Variants in ERBB4 observed in about 807,000 individuals in gnomAD.
The protein encoded by ERBB4 is receptor tyrosine-protein kinase erbB-4.
A neutral mutation model predicts 158.0 loss-of-function variants in ERBB4; 42 were observed. The observed-to-expected ratio is 0.27, with a 90% CI of 0.21 to 0.34. The LOEUF is 0.34. Among genes scored for constraint, ERBB4 ranks in the 10% least tolerant of loss-of-function variants. The pLI is 1.00. For missense variants in ERBB4, 1,333 were observed against 1,624.1 expected (o/e 0.82, Z 3.08); for synonymous variants, 583 against 558.7 (o/e 1.04, Z -0.61).
chr2:212,520,229 T>C (rs1947932), intron 1 of ERBB4, among the ~76,000 whole-genome samples: 32,578 of 151,760 alleles, frequency 0.21, 3,971 homozygotes, highest in African/African-American at 0.34. Flanking sequence ...AAATCAGTTG[T>C]ATTGATTTTA....
At chr2:211,496,160 T>C (rs1185114048) in intron 20 of ERBB4, among the ~76,000 whole-genome samples, 1 of 152,090 alleles carries the variant, frequency 6.6e-6, no homozygotes, top group African/African-American at 2.4e-5. Flanking sequence ...TCATCCTAAT[T>C]TGGACTTCCT....
intron 1 of ERBB4, among the ~76,000 whole-genome samples, chr2:212,424,576 T>C (rs1241601652): frequency 6.6e-6 from 1 of 152,156 alleles, no homozygotes; most frequent in Non-Finnish European, 1.5e-5. Flanking sequence ...TAGTACATAG[T>C]ATATATACTA....
intron 13 of ERBB4, among the ~76,000 whole-genome samples, chr2:211,677,729 C>T (rs1231674905): frequency 6.6e-6 from 1 of 151,860 alleles, no homozygotes; most frequent in Non-Finnish European, 1.5e-5. Flanking sequence ...AAAAAATTAG[C>T]CGGGCGTGGT....
chr2:211,691,620 G>A (rs1194754042), intron 12 of ERBB4, among the ~76,000 whole-genome samples: 1 of 138,480 alleles, frequency 7.2e-6, no homozygotes, highest in African/African-American at 2.8e-5. Flanking sequence ...ATAACAGATT[G>A]CTGAGAGAAC....
intron 20 of ERBB4, among the ~76,000 whole-genome samples, chr2:211,513,980 C>T (rs966145361): frequency 6.6e-6 from 1 of 152,056 alleles, no homozygotes; most frequent in African/African-American, 2.4e-5. Flanking sequence ...GTGTTGGGAA[C>T]CTTCTAAAGC....
At chr2:212,450,229 G>A (rs2092425422) in intron 1 of ERBB4, among the ~76,000 whole-genome samples, 1 of 152,106 alleles carries the variant, frequency 6.6e-6, no homozygotes, top group Admixed American at 6.6e-5. Context: ...GTGATAGGCA[G>A]AATAATGGCT....
intron 1 of ERBB4, among the ~76,000 whole-genome samples, chr2:212,158,169 G>A (rs1343261992): frequency 6.6e-6 from 1 of 151,984 alleles, no homozygotes; most frequent in Admixed American, 6.6e-5. Context: ...GACAAGAAAA[G>A]CAAGATTAAG....
In ERBB4 at chr2:211,905,763, T is replaced by TAC. The variant is rs1553663559; in HGVS notation, c.421+41665_421+41666dup. Among the ~76,000 whole-genome samples the TAC allele has an allele frequency of 6.0e-3, 849 of 141,512 alleles. 14 individuals are homozygous for TAC. Among genetic ancestry groups the TAC allele is most frequent in the African/African-American group, 0.021 (807 of 37,848 alleles). The allele number at this position is 141,512 out of a possible 152,430, so 92.8% of individuals were successfully genotyped here. A position where few individuals can be genotyped will look rare whatever the true frequency, so the allele number is the denominator to read the frequency against. ...GTGTGTGTATATATATATATATATA[T>TAC]ACTATTATGTATACAACACATAGGA... is the stretch of plus-strand genomic sequence containing the variant. On this transcript the variant is annotated intron_variant, in intron 3 of 27. Transcript: ENST00000342788.
chr2:211,817,804 T>C (rs1188395310), intron 3 of ERBB4, among the ~76,000 whole-genome samples: 1 of 152,076 alleles, frequency 6.6e-6, no homozygotes, highest in African/African-American at 2.4e-5. Context: ...GGCCACATGA[T>C]TGAAAACCAT....
chr2:211,735,703 C>T (rs750362520), intron 5 of ERBB4, among the ~76,000 whole-genome samples: 75 of 151,956 alleles, frequency 4.9e-4, no homozygotes, highest in Non-Finnish European at 8.2e-4. Flanking sequence ...AAATCTCAGA[C>T]CCAGAGAGGG....
chr2:211,719,868 G>GAA (rs56887696), intron 7 of ERBB4, among the ~76,000 whole-genome samples: 1,829 of 76,756 alleles, frequency 0.024, 38 homozygotes, highest in African/African-American at 0.064. Flanking sequence ...ACAAAGAAAA[G>GAA]AAAAAAAAAA....
intron 1 of ERBB4, among the ~76,000 whole-genome samples, chr2:212,169,854 T>TTCTCCTTCC (rs2081461268): frequency 6.6e-6 from 1 of 152,192 alleles, no homozygotes; most frequent in African/African-American, 2.4e-5. Flanking sequence ...GACTTGCCTC[T>TTCTCCTTCC]TCTCCTTCCT....
chr2:212,367,108 T>G (rs1023642964), intron 1 of ERBB4, among the ~76,000 whole-genome samples: 1 of 151,966 alleles, frequency 6.6e-6, no homozygotes, highest in Non-Finnish European at 1.5e-5. Flanking sequence ...TGTCCCAGCA[T>G]GCAGAGAAGA....
chr2:212,185,022 T>TTTTTTTTTTTC (rs2081977628), intron 1 of ERBB4, among the ~76,000 whole-genome samples: 1 of 129,064 alleles, frequency 7.7e-6, no homozygotes, highest in African/African-American at 3.3e-5. Flanking sequence ...CTTTTTTTTC[T>TTTTTTTTTTTC]TTTTTTTTTT....
At chr2:212,418,145 G>A (rs948306808) in intron 1 of ERBB4, among the ~76,000 whole-genome samples, 24 of 151,948 alleles carry the variant, frequency 1.6e-4, no homozygotes, top group Middle Eastern at 3.4e-3. Flanking sequence ...TTAGCCATTC[G>A]GTCTATGGTA....
At chr2:212,465,621 G>A (rs1405605660) in intron 1 of ERBB4, among the ~76,000 whole-genome samples, 4 of 152,092 alleles carry the variant, frequency 2.6e-5, no homozygotes, top group Non-Finnish European at 5.9e-5. Flanking sequence ...GTCTAGCCTT[G>A]CTGTTAACCA....
intron 1 of ERBB4, among the ~76,000 whole-genome samples, chr2:212,280,619 G>T (rs931470758): frequency 6.6e-6 from 1 of 151,602 alleles, no homozygotes; most frequent in Non-Finnish European, 1.5e-5. Flanking sequence ...TGCTGTTGTT[G>T]TTGTTTTCCT....
intron 2 of ERBB4, among the ~76,000 whole-genome samples, chr2:211,994,759 T>C (rs1204514614): frequency 1.3e-5 from 2 of 152,178 alleles, no homozygotes; most frequent in Admixed American, 6.5e-5. Context: ...GAGCCGTAGA[T>C]ATCACATTGA....
At chr2:211,990,426 CTG>C (rs2082042242) in intron 2 of ERBB4, among the ~76,000 whole-genome samples, 1 of 151,800 alleles carries the variant, frequency 6.6e-6, no homozygotes, top group Admixed American at 6.6e-5. Context: ...TTTGAAATAA[CTG>C]TACATTTGTC....
Sources: allele counts gnomAD v4.1 joint callset (sites outside exome capture counted in the v4.1 genomes callset), GRCh38; gene constraint gnomAD v4.1.1; transcripts MANE v1.5; gene names NCBI Gene and HGNC (gene_info 2026-07-23, HGNC 2026-07-21).